UGT2B7: variants seen among roughly 807,000 people sequenced by gnomAD.
The protein encoded by UGT2B7 is UDP glucuronosyltransferase family 2 member B7.
A neutral mutation model predicts 51.9 loss-of-function variants in UGT2B7; 51 were observed. That is an observed-to-expected ratio of 0.98 (90% CI 0.78 to 1.24). The LOEUF (loss-of-function observed/expected upper bound fraction) is 1.24, where lower values mean the gene tolerates loss of function less well. UGT2B7 is among the 50% of genes most tolerant of loss of function. The pLI, the probability that UGT2B7 is intolerant of heterozygous loss-of-function variation, is 0.00. For synonymous variants in UGT2B7, 225 were observed against 211.6 expected (o/e 1.06, Z -0.55); for missense variants, 727 against 628.4 (o/e 1.16, Z -1.68).
upstream of UGT2B7, among the ~76,000 whole-genome samples, chr4:69,095,387 T>A (rs1719195422): frequency 6.6e-6 from 1 of 152,204 alleles, no homozygotes; most frequent in Non-Finnish European, 1.5e-5. Flanking sequence ...GTCCTCTAGA[T>A]CAGCTGGCAT....
At chr4:69,075,769 A>T (rs1336329470) in intron 1 of UGT2B7, among the ~76,000 whole-genome samples, 1 of 151,972 alleles carries the variant, frequency 6.6e-6, no homozygotes. Flanking sequence ...AACTACAAGG[A>T]TATTTCTTTA....
intron 1 of UGT2B7, chr4:69,067,686 C>A (rs1044155341): frequency 6.5e-6 from 1 of 153,958 alleles, no homozygotes; most frequent in Non-Finnish European, 1.5e-5. Flanking sequence ...GCCAAGGGAG[C>A]AGCAGTGACT....
rs1719251413 is a variant in UGT2B7, at chr4:69,096,914, T to A, written c.394T>A (p.Ser132Thr). The change falls in exon 1 of 6, where the codon TCA becomes ACA. Residue 132 changes from serine to threonine, a missense_variant. Coordinates refer to ENST00000305231, the MANE Select transcript of UGT2B7 (RefSeq NM_001074.4). ...ITRKFCKDVV[S>T]NKKFMKKVQE... The stretch of plus-strand genomic sequence containing the variant: ...TAGAAAGTTCTGTAAAGATGTAGTT[T>A]CAAATAAGAAATTTATGAAAAAAGT... The A allele has an allele frequency of 1.2e-6, 2 of 1,611,750 alleles. No individual in the cohort carries two copies. The highest frequency in any genetic ancestry group is 1.3e-5 in the African/African-American group (1 of 74,660).
intron 5 of UGT2B7, 89 bp downstream of exon 5, chr4:69,108,411 G>T (rs570177019): frequency 2.9e-6 from 4 of 1,385,876 alleles, no homozygotes; most frequent in African/African-American, 2.9e-5. Context: ...TTTTATAAGA[G>T]ACTAATTTTG....
intron 1 of UGT2B7, among the ~76,000 whole-genome samples, chr4:69,070,606 A>G (rs1718579781): frequency 6.6e-6 from 1 of 152,120 alleles, no homozygotes; most frequent in South Asian, 2.1e-4. Flanking sequence ...AATAAAAAGG[A>G]AATATGAGGA....
At position 69,098,651 on chromosome 4, in the gene UGT2B7, G is replaced by C. The variant is rs373638964; in HGVS notation, c.833G>C (p.Gly278Ala). The C allele has an allele frequency of 1.2e-6, 2 of 1,612,118 alleles. No homozygotes were observed. The highest frequency in any genetic ancestry group is 1.7e-6 in the Non-Finnish European group (2 of 1,178,956). The change falls in exon 2 of 6, where the codon GGA becomes GCA. Residue 278 changes from glycine (G) to alanine (A), a missense_variant. Transcript: ENST00000305231. ...YPLLPNVDFV[G>A]GLHCKPAKPL... The stretch of plus-strand genomic sequence containing the variant: ...CTCTTACCAAATGTTGATTTTGTTG[G>C]AGGACTCCACTGCAAACCTGCCAAA...
At chr4:69,109,538 G>A in intron 5 of UGT2B7, among the ~76,000 whole-genome samples, 1 of 151,972 alleles carries the variant, frequency 6.6e-6, no homozygotes, top group East Asian at 1.9e-4. Context: ...TATCTTCTTT[G>A]AAAACAGTCT....
Position 69,074,039 on chromosome 4 carries a change from A to G in UGT2B7, c.-158-15433A>G, listed in dbSNP as rs569414022. ...TCTTCCATCTCTGAACATTTGAATC[A>G]TACTTATTTAAAAATCTCATTTTGT... On this transcript the variant is annotated intron_variant, in intron 1 of 5. Transcript: ENST00000502942. 4.3e-4 allele frequency among the ~76,000 whole-genome samples: 65 copies of G among 152,232 alleles called. 1 individual carries two copies. The highest frequency in any genetic ancestry group is 3.5e-3 in the East Asian group (18 of 5,164).
chr4:69,058,392 C>T (rs375185674), intron 1 of UGT2B7, among the ~76,000 whole-genome samples: 2 of 152,268 alleles, frequency 1.3e-5, no homozygotes, highest in East Asian at 3.9e-4. Flanking sequence ...AACTTGTCTC[C>T]AGTCAGGTCA....
chr4:69,063,326 A>AAAAAAAAG (rs1718400130), intron 1 of UGT2B7, among the ~76,000 whole-genome samples: 2 of 59,532 alleles, frequency 3.4e-5, no homozygotes, highest in Admixed American at 3.2e-4. Context: ...CTCAAAAAAA[A>AAAAAAAAG]AAAAAAAAAA....
chr4:69,092,301 A>G, upstream of UGT2B7, among the ~76,000 whole-genome samples: 1 of 152,272 alleles, frequency 6.6e-6, no homozygotes, highest in Non-Finnish European at 1.5e-5. Flanking sequence ...AAAACTAAAT[A>G]TATTCTTTAA....
chr4:69,087,376 T>A (rs1718984752), intron 1 of UGT2B7, among the ~76,000 whole-genome samples: 1 of 151,994 alleles, frequency 6.6e-6, no homozygotes, highest in African/African-American at 2.4e-5. Context: ...TCTCAATTTA[T>A]ATCTTTTCAT....
intron 4 of UGT2B7, 99 bp from the exon 5 acceptor site, chr4:69,108,004 C>A: frequency 7.0e-7 from 1 of 1,433,628 alleles, no homozygotes; most frequent in South Asian, 1.2e-5. Flanking sequence ...TAATTTAGTT[C>A]AGTGTTTTAG....
upstream of UGT2B7, among the ~76,000 whole-genome samples, chr4:69,094,800 T>G (rs1280860472): frequency 1.3e-5 from 2 of 152,222 alleles, no homozygotes; most frequent in Admixed American, 1.3e-4. Context: ...ATAGAAGATC[T>G]TCTTTCAAAA....
intron 1 of UGT2B7, among the ~76,000 whole-genome samples, chr4:69,070,455 A>G (rs1718577307): frequency 6.6e-6 from 1 of 150,808 alleles, no homozygotes; most frequent in South Asian, 2.1e-4. Flanking sequence ...AAAAAGAAAA[A>G]CAGAGCAAGA....
In UGT2B7 at chr4:69,096,939, T is replaced by G; in HGVS notation, c.419T>G (p.Val140Gly). 1 of 1,612,774 alleles carries G rather than the reference T, an allele frequency of 6.2e-7. No homozygotes were observed. The highest frequency in any genetic ancestry group is 1.1e-5 in the South Asian group (1 of 90,652). The change falls in exon 1 of 6, where the codon GTA becomes GGA. Residue 140 changes from valine (V) to glycine (G), a missense_variant. Coordinates refer to ENST00000305231, the MANE Select transcript of UGT2B7 (RefSeq NM_001074.4). The part of the protein sequence containing the change: ...VVSNKKFMKK[V>G]QESRFDVIFA... The stretch of plus-strand genomic sequence containing the variant: ...TCAAATAAGAAATTTATGAAAAAAG[T>G]ACAAGAGTCAAGATTTGACGTCATT...
chr4:69,103,269 G>A (rs1048557869), intron 3 of UGT2B7, among the ~76,000 whole-genome samples: 26 of 152,228 alleles, frequency 1.7e-4, no homozygotes, highest in African/African-American at 5.8e-4. Flanking sequence ...ATATTAAAGA[G>A]TAGATTGAAC....
chr4:69,096,943 A>G lies in UGT2B7; in HGVS notation c.423A>G (p.Gln141=). The part of the protein sequence containing the change: ...VSNKKFMKKV[Q]ESRFDVIFAD... The stretch of plus-strand genomic sequence containing the variant: ...ATAAGAAATTTATGAAAAAAGTACA[A>G]GAGTCAAGATTTGACGTCATTTTTG... The change falls in exon 1 of 6, where the codon CAA becomes CAG. Residue 141 remains glutamine (Q), a synonymous_variant. Transcript: ENST00000305231. 1 of 1,612,478 alleles carries G rather than the reference A, an allele frequency of 6.2e-7. No individual in the cohort carries two copies. The highest frequency in any genetic ancestry group is 1.1e-5 in the South Asian group (1 of 90,746).
At chr4:69,058,506 C>G (rs1718264823) in intron 1 of UGT2B7, among the ~76,000 whole-genome samples, 1 of 152,150 alleles carries the variant, frequency 6.6e-6, no homozygotes, top group Admixed American at 6.6e-5. Flanking sequence ...AAAAGGCACT[C>G]CTGCAAAGTT....
Sources: allele counts gnomAD v4.1 joint callset (sites outside exome capture counted in the v4.1 genomes callset), GRCh38; gene constraint gnomAD v4.1.1; transcripts MANE v1.5; gene names NCBI Gene and HGNC (gene_info 2026-07-23, HGNC 2026-07-21).